The following PGRMC2 variants were observed in gnomAD, a reference collection of about 807,000 sequenced individuals.
PGRMC2 encodes membrane-associated progesterone receptor component 2.
PGRMC2 carries 9 observed loss-of-function variants against 19.3 expected under a neutral mutation model. That is an observed-to-expected ratio of 0.47 (90% CI 0.28 to 0.81). PGRMC2 has a LOEUF of 0.81. Ranked by LOEUF, PGRMC2 falls within the 40% of genes least tolerant of loss-of-function variation. PGRMC2 has a pLI of 0.11. For synonymous variants in PGRMC2, 157 were observed against 124.6 expected (o/e 1.26, Z -1.73); for missense variants, 289 against 297.3 (o/e 0.97, Z 0.21).
Position 128,271,033 on chromosome 4 carries a change from GAAGT to G in PGRMC2, c.*279_*282del, listed in dbSNP as rs558583459. The G allele has an allele frequency of 2.2e-3, 548 of 248,968 alleles. 3 individuals are homozygous for G. The highest frequency in any genetic ancestry group is 0.011 in the African/African-American group (489 of 44,966). 15.4% of individuals were successfully genotyped at this position (248,968 alleles called of 1,614,324 possible). On this transcript the variant is annotated 3_prime_UTR_variant, in exon 3 of 3. Transcript: ENST00000296425. Reference sequence around the variant, plus strand: ...GGAAAGAAGGAAAAAAGGAAGGAAAGAAGTAATATTGTGACTTTCTTGCTCTTTA... The same window carrying G: ...GGAAAGAAGGAAAAAAGGAAGGAAAGAATATTGTGACTTTCTTGCTCTTTA...
chr4:128,286,676 T>A, intron 1 of PGRMC2: 1 of 398,570 alleles, frequency 2.5e-6, no homozygotes. Flanking sequence ...TACCAGTCTT[T>A]AATAAGCTCT....
At chr4:128,274,368 G>A (rs146887949) in intron 1 of PGRMC2, among the ~76,000 whole-genome samples, 4 of 152,040 alleles carry the variant, frequency 2.6e-5, no homozygotes, top group East Asian at 1.9e-4. Flanking sequence ...AAAATTAGCC[G>A]GCTGTGGTGG....
intron 1 of PGRMC2, among the ~76,000 whole-genome samples, chr4:128,280,691 G>A (rs1032268977): frequency 1.3e-5 from 2 of 151,966 alleles, no homozygotes; most frequent in African/African-American, 4.8e-5. Context: ...TTGATCTTCT[G>A]GGCTCAAGCG....
chr4:128,271,309 ACAAAG>A lies in PGRMC2; in HGVS notation c.*2_*6del. 6.7e-7 allele frequency: 1 copy of A among 1,502,632 alleles called. No individual in the cohort carries two copies. The highest frequency in any genetic ancestry group is 9.2e-7 in the Non-Finnish European group (1 of 1,083,182). The allele number at this position is 1,502,632 out of a possible 1,614,324, so 93.1% of individuals were successfully genotyped here. ...TGAAGGCCCCTGACTTTGGTTGTTT[ACAAAG>A]TTCAATCCTGTTTATTGTGATCCTT... On this transcript the variant is annotated 3_prime_UTR_variant, in exon 3 of 3. Coordinates refer to ENST00000296425, the MANE Select transcript of PGRMC2 (RefSeq NM_006320.6).
At chr4:128,282,928 C>T (rs554880927) in intron 1 of PGRMC2, among the ~76,000 whole-genome samples, 2 of 152,134 alleles carry the variant, frequency 1.3e-5, no homozygotes, top group African/African-American at 2.4e-5. Flanking sequence ...GTTCTTCTTA[C>T]GTGACTTTTT....
intron 1 of PGRMC2, chr4:128,286,589 A>AAAAAAAG: frequency 2.5e-6 from 1 of 398,520 alleles, no homozygotes; most frequent in East Asian, 3.6e-5. Flanking sequence ...GAAAAGAGAA[A>AAAAAAAG]AAAAAAGAAA....
At position 128,287,558 on chromosome 4, in the gene PGRMC2, C is replaced by T; in HGVS notation, c.233G>A (p.Arg78Gln). The part of the protein sequence containing the change: ...AYRLWVRWGR[R>Q]GLGAGAGAGE... Reference sequence around the variant, plus strand: ...CGCCCCGGCCCCGGCCCCCAGACCCCGCCGCCCCCAGCGCACCCACAGCCG... The same window carrying T: ...CGCCCCGGCCCCGGCCCCCAGACCCTGCCGCCCCCAGCGCACCCACAGCCG... The change falls in exon 1 of 3, where the codon CGG (arginine) becomes CAG (glutamine). Residue 78 changes from arginine (R) to glutamine (Q), a missense_variant. Transcript: ENST00000296425. 6.5e-7 allele frequency: 1 copy of T among 1,537,560 alleles called. No individual in the cohort carries two copies. Among genetic ancestry groups the T allele is most frequent in the East Asian group, 2.5e-5 (1 of 40,552 alleles).
At chr4:128,280,344 A>G (rs1760888145) in intron 1 of PGRMC2, among the ~76,000 whole-genome samples, 1 of 87,014 alleles carries the variant, frequency 1.1e-5, no homozygotes, top group Non-Finnish European at 2.3e-5. Flanking sequence ...GTAACAGCAA[A>G]TTTTCTGGGA....
rs745307048 is a variant in PGRMC2, at chr4:128,272,516, C to T, written c.420G>A (p.Ala140=). Residue 140 remains alanine, a splice_region_variant and synonymous_variant, in exon 2 of 3, where the codon GCG becomes GCA. Coordinates refer to ENST00000296425, the MANE Select transcript of PGRMC2 (RefSeq NM_006320.6). ...TACCAGCAAATATTCCATATGGACC[C>T]GCTGGAAAAAAGAAAATAAATTATT... ...VTKGSKFYGP[A]GPYGIFAGRD... is the part of the protein sequence containing the mutation. 20 of 1,452,442 alleles carry T rather than the reference C, an allele frequency of 1.4e-5. No individual in the cohort carries two copies. Among genetic ancestry groups the T allele is most frequent in the Admixed American group, 2.6e-5 (1 of 38,344 alleles). The allele number at this position is 1,452,442 out of a possible 1,614,324, so 90.0% of individuals were successfully genotyped here.
At position 128,271,166 on chromosome 4, in the gene PGRMC2, A is replaced by C; in HGVS notation, c.*150T>G. ...CAGCATAAATAATGTCTAGTTATTC[A>C]AATCTTCATAGTGAGATTAATTTAT... On this transcript the variant is annotated 3_prime_UTR_variant, in exon 3 of 3. Coordinates refer to ENST00000296425, the MANE Select transcript of PGRMC2 (RefSeq NM_006320.6). 1 of 477,986 alleles carries C rather than the reference A, an allele frequency of 2.1e-6. No homozygotes were observed. Among genetic ancestry groups the C allele is most frequent in the Non-Finnish European group, 3.8e-6 (1 of 265,156 alleles). The allele number at this position is 477,986 out of a possible 1,614,324, so 29.6% of individuals were successfully genotyped here. A position where few individuals can be genotyped will look rare whatever the true frequency, so the allele number is the denominator to read the frequency against.
intron 1 of PGRMC2, among the ~76,000 whole-genome samples, chr4:128,283,689 G>A (rs1210446223): frequency 1.4e-5 from 2 of 143,826 alleles, no homozygotes; most frequent in African/African-American, 2.6e-5. Context: ...ACAGAGTCTC[G>A]TTCTGTCATC....
intron 1 of PGRMC2, 67 bp from the exon 2 acceptor site, chr4:128,272,584 T>TAAAAAAAAAAA (rs5861848): frequency 3.1e-6 from 1 of 318,668 alleles, no homozygotes; most frequent in African/African-American, 3.3e-5. Context: ...AAGGAAAAAG[T>TAAAAAAAAAAA]AAAAAAAAAA....
intron 1 of PGRMC2, among the ~76,000 whole-genome samples, chr4:128,284,171 T>G (rs1307707823): frequency 6.6e-6 from 1 of 152,020 alleles, no homozygotes; most frequent in African/African-American, 2.4e-5. Flanking sequence ...GGGAAGAGTA[T>G]AAAGAAAAAC....
chr4:128,275,548 C>T (rs1424721290), intron 1 of PGRMC2, among the ~76,000 whole-genome samples: 1 of 152,132 alleles, frequency 6.6e-6, no homozygotes, highest in Non-Finnish European at 1.5e-5. Flanking sequence ...AAATGATGTT[C>T]TGTTGACTCT....
rs553401572 is a variant in PGRMC2 at position 128,282,550 on chromosome 4, T to C, written c.418+4823A>G. ...TTCAGAGCCAACTAAGTAGTTATAA[T>C]AGAAATAACTAGTAGAAATTTGAGC... is the stretch of plus-strand genomic sequence containing the variant. On this transcript the variant is annotated intron_variant, in intron 1 of 2. Transcript: ENST00000296425. 7.9e-5 allele frequency among the ~76,000 whole-genome samples: 12 copies of C among 152,332 alleles called. No individual in the cohort carries two copies. In the East Asian group the frequency reaches 2.3e-3, roughly 29 times the overall value.
At position 128,287,531 on chromosome 4, in the gene PGRMC2, C is replaced by T. The variant is rs960934297; in HGVS notation, c.260G>A (p.Gly87Asp). 12 of 1,569,310 alleles carry T rather than the reference C, an allele frequency of 7.6e-6. No homozygotes were observed. Among genetic ancestry groups the T allele is most frequent in the Non-Finnish European group, 1.0e-5 (12 of 1,158,824 alleles). The change falls in exon 1 of 3, where the codon GGC becomes GAC. Residue 87 changes from glycine to aspartate, a missense_variant. Transcript: ENST00000296425. ...CAGAGAGGTGGCGGGGCTCTCCTCG[C>T]CCGCCCCGGCCCCGGCCCCCAGACC... is the stretch of plus-strand genomic sequence containing the variant. The part of the protein sequence containing the change: ...RRGLGAGAGA[G>D]EESPATSLPR...
intron 1 of PGRMC2, among the ~76,000 whole-genome samples, chr4:128,279,990 C>T (rs570207829): frequency 5.1e-4 from 77 of 152,152 alleles, no homozygotes; most frequent in African/African-American, 1.7e-3. Context: ...TTTTAACTTA[C>T]GTGAGGCCCT....
chr4:128,271,690 C>A (rs1760732372), intron 2 of PGRMC2, among the ~76,000 whole-genome samples: 1 of 152,188 alleles, frequency 6.6e-6, no homozygotes, highest in Non-Finnish European at 1.5e-5. Context: ...ATCAGAATCA[C>A]TTGGAGATCT....
chr4:128,287,392 G>A lies in PGRMC2; in HGVS notation c.399C>T (p.Gly133=). 6.2e-7 allele frequency: 1 copy of A among 1,605,204 alleles called. No homozygotes were observed. Among genetic ancestry groups the A allele is most frequent in the Non-Finnish European group, 8.5e-7 (1 of 1,173,158 alleles). ...CCTCACCCGGGCCGTAGAACTTGCT[G>A]CCTTTGGTCACGTCGAAGACTTTCC... The part of the protein sequence containing the change: ...VNGKVFDVTK[G]SKFYGPAGPY... Residue 133 remains glycine (G), a synonymous_variant, in exon 1 of 3, where the codon GGC becomes GGT. Coordinates refer to ENST00000296425, the MANE Select transcript of PGRMC2 (RefSeq NM_006320.6).
Sources: allele counts gnomAD v4.1 joint callset (sites outside exome capture counted in the v4.1 genomes callset), GRCh38; gene constraint gnomAD v4.1.1; transcripts MANE v1.5; gene names NCBI Gene and HGNC (gene_info 2026-07-23, HGNC 2026-07-21).